Variants in PDGFD observed in about 807,000 individuals in gnomAD.
PDGFD encodes the protein platelet-derived growth factor D.
In PDGFD, 30 loss-of-function variants were observed where a neutral mutation model predicts 44.7. The observed-to-expected ratio is 0.67, with a 90% CI of 0.50 to 0.91. The LOEUF is 0.91. Ranked by LOEUF, PDGFD falls within the 40% of genes least tolerant of loss-of-function variation. PDGFD has a pLI of 0.00. For missense variants in PDGFD, 445 were observed against 457.8 expected (o/e 0.97, Z 0.25); for synonymous variants, 173 against 168.4 (o/e 1.03, Z -0.21).
intron 1 of PDGFD, among the ~76,000 whole-genome samples, chr11:104,067,550 A>G (rs1565325747): frequency 1.3e-5 from 2 of 152,314 alleles, no homozygotes; most frequent in East Asian, 1.9e-4. Context: ...ATCAGCAAAC[A>G]TATCATAAAG....
At chr11:104,012,020 C>T (rs894923123) in intron 1 of PDGFD, among the ~76,000 whole-genome samples, 10 of 151,930 alleles carry the variant, frequency 6.6e-5, no homozygotes, top group African/African-American at 1.9e-4. Flanking sequence ...TCAGAATAGG[C>T]CAAATAATTA....
chr11:104,115,539 T>C (rs11226174), intron 1 of PDGFD, among the ~76,000 whole-genome samples: 19,786 of 151,848 alleles, frequency 0.13, 1,419 homozygotes, highest in East Asian at 0.29. Flanking sequence ...TTCTTTTCCT[T>C]TGTGTAGATA....
chr11:103,974,509 G>A (rs1165011656), intron 3 of PDGFD, among the ~76,000 whole-genome samples: 1 of 152,104 alleles, frequency 6.6e-6, no homozygotes, highest in Admixed American at 6.6e-5. Context: ...TGTGCAGAAT[G>A]TGCAGGTTTG....
intron 1 of PDGFD, among the ~76,000 whole-genome samples, chr11:104,142,838 T>C (rs991187281): frequency 1.3e-5 from 2 of 152,152 alleles, no homozygotes; most frequent in Admixed American, 6.5e-5. Context: ...CCAGGGGCAA[T>C]GATGTAGGCT....
intron 1 of PDGFD, among the ~76,000 whole-genome samples, chr11:104,109,748 A>T (rs1375824935): frequency 6.6e-6 from 1 of 152,150 alleles, no homozygotes; most frequent in Non-Finnish European, 1.5e-5. Flanking sequence ...AGCCACGGAG[A>T]ACTATCTAAG....
chr11:103,985,272 G>C (rs528805074), intron 3 of PDGFD, among the ~76,000 whole-genome samples: 1 of 149,988 alleles, frequency 6.7e-6, no homozygotes, highest in East Asian at 1.9e-4. Flanking sequence ...TGAAATCATA[G>C]CTCATTGTAA....
At chr11:103,973,912 A>G (rs1023577782) in intron 3 of PDGFD, among the ~76,000 whole-genome samples, 1 of 152,134 alleles carries the variant, frequency 6.6e-6, no homozygotes, top group Non-Finnish European at 1.5e-5. Flanking sequence ...GGGTTTTATC[A>G]TAGGGAATAG....
At chr11:103,978,468 C>A (rs1216958876) in intron 3 of PDGFD, among the ~76,000 whole-genome samples, 1 of 151,740 alleles carries the variant, frequency 6.6e-6, no homozygotes. Context: ...TAAGATGTCT[C>A]TTTTTATGGG....
intron 3 of PDGFD, among the ~76,000 whole-genome samples, chr11:103,960,350 AT>A (rs888188521): frequency 2.0e-5 from 3 of 152,006 alleles, no homozygotes; most frequent in Admixed American, 2.0e-4. Context: ...TTGGACATGG[AT>A]TTTTTTTGGC....
At chr11:104,087,736 T>C (rs1394735890) in intron 1 of PDGFD, among the ~76,000 whole-genome samples, 1 of 152,172 alleles carries the variant, frequency 6.6e-6, no homozygotes, top group African/African-American at 2.4e-5. Context: ...CCCTCAAACA[T>C]GAAGAAACCA....
At chr11:104,031,359 A>C (rs2134389800) in intron 1 of PDGFD, among the ~76,000 whole-genome samples, 1 of 152,346 alleles carries the variant, frequency 6.6e-6, no homozygotes, top group African/African-American at 2.4e-5. Flanking sequence ...TCAAAAGAAG[A>C]TATGCATGCG....
intron 1 of PDGFD, among the ~76,000 whole-genome samples, chr11:104,067,221 G>C (rs1001959563): frequency 6.6e-6 from 1 of 152,072 alleles, no homozygotes; most frequent in African/African-American, 2.4e-5. Flanking sequence ...GACATACTTG[G>C]GAGTGTGACA....
At chr11:104,131,256 T>G (rs1184909399) in intron 1 of PDGFD, among the ~76,000 whole-genome samples, 2 of 152,174 alleles carry the variant, frequency 1.3e-5, no homozygotes, top group Admixed American at 6.5e-5. Context: ...TAAATGGCAA[T>G]CAGACTTGTG....
chr11:103,952,059 G>A (rs538306760), intron 3 of PDGFD, among the ~76,000 whole-genome samples: 1 of 152,266 alleles, frequency 6.6e-6, no homozygotes, highest in African/African-American at 2.4e-5. Context: ...GTAGTTTACA[G>A]CCAGTGTCCA....
chr11:104,013,409 GC>G (rs1859812959), intron 1 of PDGFD, among the ~76,000 whole-genome samples: 1 of 152,108 alleles, frequency 6.6e-6, no homozygotes, highest in Admixed American at 6.5e-5. Flanking sequence ...TACTAAAAGA[GC>G]ATTAATTGTA....
At chr11:104,044,581 A>G (rs1401599296) in intron 1 of PDGFD, among the ~76,000 whole-genome samples, 1 of 152,242 alleles carries the variant, frequency 6.6e-6, no homozygotes, top group Admixed American at 6.5e-5. Flanking sequence ...TGACAATTTA[A>G]TCAATATTTG....
intron 6 of PDGFD, among the ~76,000 whole-genome samples, chr11:103,921,495 C>T (rs1019549609): frequency 1.3e-5 from 2 of 151,766 alleles, no homozygotes; most frequent in African/African-American, 4.8e-5. Context: ...TGTATAAATA[C>T]AGATGCTCGT....
intron 6 of PDGFD, among the ~76,000 whole-genome samples, chr11:103,922,669 C>T (rs1438237914): frequency 6.6e-6 from 1 of 152,134 alleles, no homozygotes; most frequent in Non-Finnish European, 1.5e-5. Context: ...CCTGCCTCAG[C>T]CTCCCAAGTA....
At position 104,163,895 on chromosome 11, in the gene PDGFD, G is replaced by A. The variant is rs1862426854; in HGVS notation, c.33C>T (p.Ile11=). The change falls in exon 1 of 7, where the codon ATC becomes ATT. Residue 11 remains isoleucine, a synonymous_variant. Transcript: ENST00000393158. The stretch of plus-strand genomic sequence containing the variant: ...CCCGACAGCTGCAAAAGTTTGCGCA[G>A]ATTAGAGTGTAGACAAAGATGAGCC... MHRLIFVYTL[I]CANFCSCRDT... 6.4e-7 allele frequency: 1 copy of A among 1,568,022 alleles called. No homozygotes were observed. The highest frequency in any genetic ancestry group is 1.3e-5 in the African/African-American group (1 of 74,458).
Sources: gnomAD v4.1 joint callset for allele counts (sites outside exome capture counted in the v4.1 genomes callset) on GRCh38, gnomAD v4.1.1 for gene constraint, MANE v1.5 for transcripts, NCBI Gene and HGNC (gene_info 2026-07-23, HGNC 2026-07-21) for gene names.